Variants in HOATZ observed in about 807,000 individuals in gnomAD.
The protein encoded by HOATZ is cilia- and flagella-associated protein HOATZ.
Under a neutral mutation model 24.9 loss-of-function variants are expected in HOATZ, and 26 were observed. The ratio of observed to expected loss-of-function variants is 1.04; its 90% confidence interval spans 0.76 to 1.45. The LOEUF (loss-of-function observed/expected upper bound fraction) is 1.45, where lower values mean the gene tolerates loss of function less well. HOATZ is among the 40% of genes most tolerant of loss of function. The pLI is 0.00. For synonymous variants in HOATZ, 83 were observed against 76.6 expected, an observed-to-expected ratio of 1.08 and a Z score of -0.43; for missense variants, 226 against 201.5, an observed-to-expected ratio of 1.12 and a Z score of -0.74.
At chr11:111,515,453 G>T in intron 1 of HOATZ, 58 bp from the exon 2 acceptor site, 1 of 1,400,336 alleles carries the variant, frequency 7.1e-7, no homozygotes, top group Non-Finnish European at 1.0e-6. Context: ...AAATTCAAAC[G>T]CCTTTAATGT....
intron 3 of HOATZ, among the ~76,000 whole-genome samples, chr11:111,521,819 A>C (rs1438497399): frequency 6.6e-6 from 1 of 152,198 alleles, no homozygotes; most frequent in Non-Finnish European, 1.5e-5. Context: ...TTTGTTTTCA[A>C]AAGTTATTCA....
chr11:111,525,856 A>C (rs1296010192), intron 3 of HOATZ, among the ~76,000 whole-genome samples: 1 of 152,252 alleles, frequency 6.6e-6, no homozygotes, highest in Admixed American at 6.5e-5. Context: ...GCTCACTGCC[A>C]GCACAGTGTT....
chr11:111,517,088 G>A (rs117112808), intron 3 of HOATZ, among the ~76,000 whole-genome samples: 4 of 152,250 alleles, frequency 2.6e-5, no homozygotes, highest in Middle Eastern at 3.4e-3. Context: ...CAGACTTATC[G>A]GGAATTCTAC....
chr11:111,515,612 C>G, intron 2 of HOATZ, 60 bp downstream of exon 2: 2 of 1,355,892 alleles, frequency 1.5e-6, no homozygotes, highest in South Asian at 2.3e-5. Flanking sequence ...AGAAAATAGA[C>G]AATAAGTACA....
chr11:111,519,849 TA>T (rs1402924689), intron 3 of HOATZ, among the ~76,000 whole-genome samples: 1 of 152,026 alleles, frequency 6.6e-6, no homozygotes, highest in Non-Finnish European at 1.5e-5. Context: ...AATGAAAATC[TA>T]AAAATTAATT....
chr11:111,518,642 G>A (rs1158965481), intron 3 of HOATZ, among the ~76,000 whole-genome samples: 1 of 152,198 alleles, frequency 6.6e-6, no homozygotes, highest in Non-Finnish European at 1.5e-5. Context: ...TAATAGATTT[G>A]TTGTATCATA....
intron 3 of HOATZ, among the ~76,000 whole-genome samples, chr11:111,523,205 CTTTTT>C (rs747393521): frequency 1.1e-5 from 1 of 94,270 alleles, no homozygotes; most frequent in Non-Finnish European, 2.2e-5. Context: ...TAAGTGTTCA[CTTTTT>C]TTTTTTTTTT....
chr11:111,516,338 G>A (rs1867199404), intron 3 of HOATZ, among the ~76,000 whole-genome samples: 1 of 152,088 alleles, frequency 6.6e-6, no homozygotes, highest in Non-Finnish European at 1.5e-5. Context: ...CAGAACCAGA[G>A]AGAAATAGAA....
intron 3 of HOATZ, among the ~76,000 whole-genome samples, chr11:111,527,950 G>A (rs1381966996): frequency 6.6e-6 from 1 of 152,196 alleles, no homozygotes; most frequent in Non-Finnish European, 1.5e-5. Context: ...ACTGAGGAGT[G>A]AGATTCTTGC....
intron 3 of HOATZ, chr11:111,525,008 A>G (rs1165264325): frequency 5.4e-6 from 2 of 367,358 alleles, no homozygotes; most frequent in Admixed American, 7.5e-5. Flanking sequence ...TTCTGGGACT[A>G]CAGGTGCACA....
intron 2 of HOATZ, among the ~76,000 whole-genome samples, 200 bp from the exon 3 acceptor site, chr11:111,515,840 G>C (rs540118435): frequency 1.3e-5 from 2 of 152,204 alleles, no homozygotes; most frequent in South Asian, 4.1e-4. Context: ...GAGATTAGAG[G>C]TTCCCTGCAG....
chr11:111,522,960 C>A lies in HOATZ; in HGVS notation c.339+6850C>A, dbSNP rs191245481. On this transcript the variant is annotated intron_variant, in intron 3 of 5. Transcript: ENST00000375618. ...ATTAGCTGGGCGTGGTGGTGCATGC[C>A]TGTAATCCCAGCTACTCGGGAGGCT... Among the ~76,000 whole-genome samples, 30 of 152,256 alleles carry A rather than the reference C, an allele frequency of 2.0e-4. No homozygotes were observed. In the Middle Eastern group the frequency reaches 0.017, roughly 86 times the overall value.
At chr11:111,532,705 T>C (rs902385344) in intron 3 of HOATZ, among the ~76,000 whole-genome samples, 16 of 152,216 alleles carry the variant, frequency 1.1e-4, no homozygotes, top group Non-Finnish European at 1.9e-4. Context: ...TGGTACTTTG[T>C]TACAGCAGCC....
At chr11:111,528,806 C>CTGTG (rs1491078529) in intron 3 of HOATZ, among the ~76,000 whole-genome samples, 1 of 151,774 alleles carries the variant, frequency 6.6e-6, no homozygotes, top group Non-Finnish European at 1.5e-5. Context: ...CATTCTGTCA[C>CTGTG]TCTGTGTGTG....
At position 111,514,945 on chromosome 11, in the gene HOATZ, T is replaced by A; in HGVS notation, c.161T>A (p.Leu54Gln). The A allele has an allele frequency of 2.5e-6, 4 of 1,613,942 alleles. No homozygotes were observed. The highest frequency in any genetic ancestry group is 3.4e-6 in the Non-Finnish European group (4 of 1,180,014). Reference protein sequence around the residue: ...ASMYPPSESQLVLRRDSSQRL... With the variant: ...ASMYPPSESQQVLRRDSSQRL... ...ATGTATCCCCCTAGCGAATCTCAGC[T>A]GGTGCTGCGCAGAGACAGCAGTCAG... The change falls in exon 1 of 6, where the codon CTG becomes CAG. Residue 54 changes from leucine (L) to glutamine (Q), a missense_variant. Transcript: ENST00000375618.
intron 3 of HOATZ, among the ~76,000 whole-genome samples, chr11:111,531,799 C>A (rs1460981878): frequency 6.6e-6 from 1 of 152,156 alleles, no homozygotes. Flanking sequence ...CCAAGGCACC[C>A]AGTTCACCAG....
chr11:111,526,396 G>C (rs529952409), intron 3 of HOATZ, among the ~76,000 whole-genome samples: 1 of 152,232 alleles, frequency 6.6e-6, no homozygotes, highest in East Asian at 1.9e-4. Context: ...GTGATGCGAT[G>C]TGAATTAGGA....
intron 3 of HOATZ, among the ~76,000 whole-genome samples, chr11:111,529,601 A>C (rs7102321): frequency 0.036 from 5,503 of 152,042 alleles, 337 homozygotes; most frequent in African/African-American, 0.12. Flanking sequence ...TGACCTCATG[A>C]TCCTCTTGCC....
chr11:111,516,373 T>G (rs1005828645), intron 3 of HOATZ, among the ~76,000 whole-genome samples: 1 of 152,002 alleles, frequency 6.6e-6, no homozygotes, highest in Non-Finnish European at 1.5e-5. Context: ...ACACTTTCCA[T>G]CCAGTAAGGT....
Sources: allele counts gnomAD v4.1 joint callset (sites outside exome capture counted in the v4.1 genomes callset), GRCh38; gene constraint gnomAD v4.1.1; transcripts MANE v1.5; gene names NCBI Gene and HGNC (gene_info 2026-07-23, HGNC 2026-07-21).